The following TTYH3 variants were observed in gnomAD, a reference collection of about 807,000 sequenced individuals.
The protein encoded by TTYH3 is tweety family member 3.
In TTYH3, 23 loss-of-function variants were observed where a neutral mutation model predicts 68.2. The ratio of observed to expected loss-of-function variants is 0.34; its 90% CI spans 0.24 to 0.48. The LOEUF is 0.48. Ranked by LOEUF, TTYH3 falls within the 20% of genes least tolerant of loss-of-function variation. The probability of loss-of-function intolerance (pLI) is 0.99; values close to 1 mark genes in which losing one functional copy is unlikely to be tolerated. For synonymous variants in TTYH3, 360 were observed against 332.8 expected (o/e 1.08, Z -0.89); for missense variants, 768 against 727.7 (o/e 1.06, Z -0.64).
rs1272641630 is a variant in TTYH3 at position 2,645,667 on chromosome 7, G to T, written c.124-1186G>T. ...CAGCCCCACCATCTCATCCAGCGTG[G>T]GGGCACGCCATGGACGGTGCCCACC... On this transcript the variant is annotated intron_variant, in intron 1 of 13. Transcript: ENST00000258796. The surrounding 1 kb of genome is among the most constrained non-coding windows in gnomAD (Gnocchi z 4.8). 2.5e-6 allele frequency: 1 copy of T among 404,304 alleles called. No homozygotes were observed. The highest frequency in any genetic ancestry group is 5.2e-6 in the Non-Finnish European group (1 of 193,468). 25.0% of individuals were successfully genotyped at this position (404,304 alleles called of 1,614,324 possible).
rs1489625305 is a variant in TTYH3, at chr7:2,664,677, T to G, written c.*2938T>G. The G allele has an allele frequency of 6.6e-6, 1 of 152,272 alleles. No individual in the cohort carries two copies. Among genetic ancestry groups the G allele is most frequent in the Non-Finnish European group, 1.5e-5 (1 of 68,026 alleles). The allele number at this position is 152,272 out of a possible 1,614,324, so 9.4% of individuals were successfully genotyped here. A position where few individuals can be genotyped will look rare whatever the true frequency, so the allele number is the denominator to read the frequency against. ...TTTTTTGTTTTTTTAGAACTGGGTT[T>G]GGGGGCTGATTTTTATTTCTTTGGG... On this transcript the variant is annotated 3_prime_UTR_variant, in exon 14 of 14. Transcript: ENST00000258796.
intron 1 of TTYH3, among the ~76,000 whole-genome samples, chr7:2,642,748 CTTTTTTTT>C (rs915544871): frequency 1.6e-5 from 2 of 128,162 alleles, no homozygotes; most frequent in African/African-American, 5.7e-5. Flanking sequence ...TTTTTCTTTT[CTTTTTTTT>C]TTTTTTTTTT....
intron 13 of TTYH3, chr7:2,660,474 G>A (rs1786464906): frequency 1.0e-6 from 1 of 985,432 alleles, no homozygotes; most frequent in Non-Finnish European, 1.2e-6. Flanking sequence ...GAGCACGTGA[G>A]CTTCTCCCGC....
Position 2,648,025 on chromosome 7 carries a change from C to T in TTYH3, c.693C>T (p.Leu231=), listed in dbSNP as rs1216793184. 15 of 1,610,854 alleles carry T rather than the reference C, an allele frequency of 9.3e-6. No homozygotes were observed. In the East Asian group the frequency reaches 2.9e-4, roughly 31 times the overall value. Residue 231 remains leucine (L), a synonymous_variant, in exon 5 of 14, where the codon CTC becomes CTT. Transcript: ENST00000258796. ...VIICLLVLVG[L]IRSSKGILVG... is the part of the protein sequence containing the mutation. ...TCTGCCTCCTGGTGCTGGTTGGCCT[C>T]ATCCGCAGCTCCAAGGGCATCCTGG...
intron 3 of TTYH3, 79 bp from the exon 4 acceptor site, chr7:2,647,339 C>A: frequency 4.6e-6 from 7 of 1,505,840 alleles, no homozygotes; most frequent in Non-Finnish European, 6.2e-6. Context: ...GCAGCCGGGA[C>A]TGGGGCTGTG....
In TTYH3 at chr7:2,645,127, A is replaced by AG. The variant is rs55949843; in HGVS notation, c.124-1723dup. Among the ~76,000 whole-genome samples the AG allele has an allele frequency of 1, 152,292 of 152,294 alleles. 76,145 individuals carry two copies. Among genetic ancestry groups the AG allele is most frequent in the Non-Finnish European group, 1 (68,022 of 68,022 alleles). ...AGGGCCCCAGCTGCTGACACCCCCC[A>AG]GGGCACCCCCAAGTTAGCCTCTAGG... On this transcript the variant is annotated intron_variant, in intron 1 of 13. Coordinates refer to ENST00000258796, the MANE Select transcript of TTYH3 (RefSeq NM_025250.3). The surrounding 1 kb of genome is among the most constrained non-coding windows in gnomAD (Gnocchi z 4.8).
intron 2 of TTYH3, 30 bp downstream of exon 2, chr7:2,647,052 G>A (rs1455050842): frequency 2.0e-6 from 3 of 1,532,410 alleles, no homozygotes; most frequent in Admixed American, 2.0e-5. Context: ...GACGGAGGGC[G>A]GGGCCAGAGG....
rs1351534667 is a variant in TTYH3, at chr7:2,634,932, C to T, written c.123+2654C>T. ...CCCGGATTCCCCCACGGCTGCCTTG[C>T]CGCTGGGGGTGTGACCGTGGGATTA... On this transcript the variant is annotated intron_variant, in intron 1 of 13. Transcript: ENST00000258796. 2.0e-5 allele frequency among the ~76,000 whole-genome samples: 3 copies of T among 152,194 alleles called. No homozygotes were observed. In the East Asian group the frequency reaches 5.8e-4, roughly 30 times the overall value.
At chr7:2,659,104 G>A (rs1786420551) in intron 13 of TTYH3, 89 bp downstream of exon 13, 2 of 1,348,302 alleles carry the variant, frequency 1.5e-6, no homozygotes, top group Non-Finnish European at 2.1e-6. Context: ...TGTGGCATGT[G>A]CAGCCAGTGT....
chr7:2,647,789 C>A (rs1006113929), intron 4 of TTYH3, 151 bp downstream of exon 4: 2 of 1,072,612 alleles, frequency 1.9e-6, no homozygotes, highest in Non-Finnish European at 2.7e-6. Flanking sequence ...CTGGAGTTCC[C>A]CTAATGGGAG....
rs377587234 is a variant in TTYH3 at position 2,643,048 on chromosome 7, A to C, written c.124-3805A>C. On this transcript the variant is annotated intron_variant, in intron 1 of 13. Transcript: ENST00000258796. ...ACTGCACTCCAGCTTGGGCATCACCAGTGAAATTACATCTCAAAAAGAAAA... is the reference window on the plus strand; with the variant it reads ...ACTGCACTCCAGCTTGGGCATCACCCGTGAAATTACATCTCAAAAAGAAAA... Among the ~76,000 whole-genome samples, 8 of 142,754 alleles carry C rather than the reference A, an allele frequency of 5.6e-5. No homozygotes were observed. In the East Asian group the frequency reaches 1.3e-3, roughly 23 times the overall value. 93.7% of individuals were successfully genotyped at this position (142,754 alleles called of 152,430 possible). A position where few individuals can be genotyped will look rare whatever the true frequency, so the allele number is the denominator to read the frequency against.
At chr7:2,641,969 C>T (rs935542292) in intron 1 of TTYH3, among the ~76,000 whole-genome samples, 1 of 152,228 alleles carries the variant, frequency 6.6e-6, no homozygotes, top group African/African-American at 2.4e-5. Context: ...TTGAGGGAGG[C>T]GCCATCTCCT....
chr7:2,659,192 G>A (rs1224272681), intron 13 of TTYH3, among the ~76,000 whole-genome samples, 177 bp downstream of exon 13: 2 of 152,176 alleles, frequency 1.3e-5, no homozygotes, highest in Non-Finnish European at 2.9e-5. Flanking sequence ...TCTGCAGGAC[G>A]CCTGACCTGA....
chr7:2,652,706 G>T, intron 8 of TTYH3: 1 of 582,994 alleles, frequency 1.7e-6, no homozygotes, highest in Non-Finnish European at 3.1e-6. Context: ...GTGTGGGTGC[G>T]TGGTTGGCTG....
intron 9 of TTYH3, among the ~76,000 whole-genome samples, chr7:2,654,939 C>A (rs1432291474): frequency 6.6e-6 from 1 of 151,886 alleles, no homozygotes. Flanking sequence ...GCACCCAGCT[C>A]ATTTTCCTCT....
chr7:2,660,696 GCCCTCGGGGA>G, intron 13 of TTYH3: 1 of 390,718 alleles, frequency 2.6e-6, no homozygotes, highest in Non-Finnish European at 3.5e-6. Flanking sequence ...TCCCAGGAGG[GCCCTCGGGGA>G]CCCGGGGAGC....
Position 2,647,051 on chromosome 7 carries a change from C to T in TTYH3, c.293+29C>T, listed in dbSNP as rs766473696. On this transcript the variant is annotated intron_variant, in intron 2 of 13. Transcript: ENST00000258796. ...AGCGCGGTGGGGCGGGGACGGAGGG[C>T]GGGGCCAGAGGGGGCGGCCCGAGGG... 4.4e-4 allele frequency: 211 copies of T among 479,088 alleles called. 2 individuals are homozygous for T. The South Asian group carries it at 5.2e-3, about 12-fold the overall frequency. The allele number at this position is 479,088 out of a possible 1,614,324, so 29.7% of individuals were successfully genotyped here. A position where few individuals can be genotyped will look rare whatever the true frequency, so the allele number is the denominator to read the frequency against.
chr7:2,646,111 T>C (rs1479910251), intron 1 of TTYH3, among the ~76,000 whole-genome samples: 6 of 151,528 alleles, frequency 4.0e-5, no homozygotes, highest in Non-Finnish European at 5.9e-5. Context: ...GCCACCCGGG[T>C]TCAAGTGATC....
chr7:2,661,715 C>T lies in TTYH3; in HGVS notation c.1548C>T (p.Arg516=). The part of the protein sequence containing the change: ...RAKYLATSQP[R]PDSSGSH ...AATACCTCGCCACGAGCCAGCCTCG[C>T]CCTGACTCCAGCGGCAGCCACTAGA... The change falls in exon 14 of 14, where the codon CGC becomes CGT. Residue 516 remains arginine (R), a synonymous_variant. Coordinates refer to ENST00000258796, the MANE Select transcript of TTYH3 (RefSeq NM_025250.3). 2 of 1,611,812 alleles carry T rather than the reference C, an allele frequency of 1.2e-6. No homozygotes were observed. The highest frequency in any genetic ancestry group is 1.7e-6 in the Non-Finnish European group (2 of 1,179,544).
Sources: allele counts gnomAD v4.1 joint callset (sites outside exome capture counted in the v4.1 genomes callset), GRCh38; gene constraint gnomAD v4.1.1; non-coding constraint Gnocchi (gnomAD v3.1); transcripts MANE v1.5; gene names NCBI Gene and HGNC (gene_info 2026-07-23, HGNC 2026-07-21).